CSMD3: variants seen among roughly 807,000 people sequenced by gnomAD.
CSMD3 encodes the protein CUB and sushi domain-containing protein 3.
Under a neutral mutation model 435.2 loss-of-function variants are expected in CSMD3, and 177 were observed. The ratio of observed to expected loss-of-function variants is 0.41; its 90% confidence interval spans 0.36 to 0.46. CSMD3 has a LOEUF of 0.46. CSMD3 is among the 20% of genes least tolerant of loss of function. CSMD3 has a pLI of 0.34. For synonymous variants in CSMD3, 1,656 were observed against 1,520.5 expected, an observed-to-expected ratio of 1.09 and a Z score of -2.07; for missense variants, 4,265 against 4,504.6, an observed-to-expected ratio of 0.95 and a Z score of 1.52.
At chr8:112,377,278 A>C (rs1185346390) in intron 38 of CSMD3, among the ~76,000 whole-genome samples, 1 of 152,120 alleles carries the variant, frequency 6.6e-6, no homozygotes, top group African/African-American at 2.4e-5. Context: ...CTAGAAATAT[A>C]AAAGTTACCA....
chr8:112,372,315 T>C (rs772281274), intron 38 of CSMD3, among the ~76,000 whole-genome samples: 2 of 152,050 alleles, frequency 1.3e-5, no homozygotes, highest in Non-Finnish European at 2.9e-5. Context: ...AAGAAATCAG[T>C]GTTGGAATAA....
intron 3 of CSMD3, among the ~76,000 whole-genome samples, chr8:113,263,154 T>C (rs2009533565): frequency 6.6e-6 from 1 of 151,992 alleles, no homozygotes; most frequent in African/African-American, 2.4e-5. Flanking sequence ...AGAGATCTCT[T>C]TGTAACACGT....
intron 1 of CSMD3, among the ~76,000 whole-genome samples, chr8:113,325,180 G>A (rs2093975476): frequency 1.3e-5 from 2 of 152,184 alleles, no homozygotes; most frequent in African/African-American, 4.8e-5. Flanking sequence ...TAAGACTTTG[G>A]GAGACTGCTG....
At chr8:113,263,079 T>C (rs1187077780) in intron 3 of CSMD3, among the ~76,000 whole-genome samples, 1 of 152,048 alleles carries the variant, frequency 6.6e-6, no homozygotes, top group East Asian at 1.9e-4. Context: ...CACAATATAA[T>C]ACTGCATAAA....
intron 22 of CSMD3, among the ~76,000 whole-genome samples, chr8:112,627,062 C>T (rs1397465242): frequency 6.6e-6 from 1 of 152,028 alleles, no homozygotes; most frequent in East Asian, 1.9e-4. Context: ...TATTCCTTAT[C>T]TGGCATTAAT....
chr8:113,072,875 C>T (rs117291008), intron 5 of CSMD3, among the ~76,000 whole-genome samples: 4,755 of 151,670 alleles, frequency 0.031, 98 homozygotes, highest in Non-Finnish European at 0.052. Flanking sequence ...TATCATCACC[C>T]ACGAACACTA....
At chr8:112,499,883 G>A (rs1366457019) in intron 30 of CSMD3, among the ~76,000 whole-genome samples, 1 of 151,870 alleles carries the variant, frequency 6.6e-6, no homozygotes, top group Non-Finnish European at 1.5e-5. Flanking sequence ...CTTGAGGAGG[G>A]CCGGATCATG....
At chr8:113,401,337 G>T (rs904780067) in intron 1 of CSMD3, among the ~76,000 whole-genome samples, 2 of 151,636 alleles carry the variant, frequency 1.3e-5, no homozygotes, top group Admixed American at 6.6e-5. Flanking sequence ...ATAAAAATAA[G>T]TTTATTCCAA....
At chr8:112,995,542 G>C (rs1444986030) in intron 6 of CSMD3, among the ~76,000 whole-genome samples, 1 of 151,212 alleles carries the variant, frequency 6.6e-6, no homozygotes, top group Non-Finnish European at 1.5e-5. Flanking sequence ...GAGGTATGAT[G>C]AATATTTAAT....
At chr8:112,690,161 A>C (rs2076099457) in intron 13 of CSMD3, 111 bp from the exon 14 acceptor site, 5 of 805,628 alleles carry the variant, frequency 6.2e-6, no homozygotes, top group Non-Finnish European at 1.0e-5. Flanking sequence ...TCAGAACAAA[A>C]AATAAATATA....
intron 22 of CSMD3, among the ~76,000 whole-genome samples, chr8:112,625,363 C>A (rs1029999083): frequency 2.6e-5 from 4 of 151,960 alleles, no homozygotes; most frequent in Non-Finnish European, 4.4e-5. Context: ...AAAAACAAAG[C>A]AATGTCTGGA....
At chr8:112,546,879 G>A (rs924111600) in intron 27 of CSMD3, among the ~76,000 whole-genome samples, 3 of 152,128 alleles carry the variant, frequency 2.0e-5, no homozygotes, top group Admixed American at 2.0e-4. Context: ...TGCCGACAGT[G>A]GCTTGATGAT....
intron 10 of CSMD3, among the ~76,000 whole-genome samples, chr8:112,915,905 A>G (rs2082558579): frequency 6.6e-6 from 1 of 151,850 alleles, no homozygotes; most frequent in African/African-American, 2.4e-5. Context: ...AGAATATTGA[A>G]CTAAAAATAT....
intron 1 of CSMD3, among the ~76,000 whole-genome samples, chr8:113,355,291 T>C (rs1037575533): frequency 6.6e-6 from 1 of 152,172 alleles, no homozygotes; most frequent in Non-Finnish European, 1.5e-5. Flanking sequence ...CATATATATA[T>C]ATACACTTTG....
chr8:112,476,617 T>G (rs1301743371), intron 31 of CSMD3, among the ~76,000 whole-genome samples: 1 of 152,176 alleles, frequency 6.6e-6, no homozygotes, highest in Non-Finnish European at 1.5e-5. Flanking sequence ...AATTTTAATG[T>G]TTATGTAATT....
chr8:113,019,771 T>C (rs2086617312), intron 5 of CSMD3, among the ~76,000 whole-genome samples: 1 of 152,062 alleles, frequency 6.6e-6, no homozygotes, highest in Non-Finnish European at 1.5e-5. Flanking sequence ...TCAGTATTTC[T>C]CACTGGATGG....
intron 7 of CSMD3, among the ~76,000 whole-genome samples, chr8:112,975,546 G>T (rs1467588268): frequency 9.2e-5 from 14 of 151,974 alleles, no homozygotes; most frequent in Non-Finnish European, 2.9e-5. Context: ...TAAATAATAA[G>T]TATTTGGTAC....
intron 13 of CSMD3, among the ~76,000 whole-genome samples, chr8:112,733,405 G>A (rs780085980): frequency 1.1e-4 from 16 of 150,878 alleles, no homozygotes; most frequent in Non-Finnish European, 1.8e-4. Flanking sequence ...TTAACATTAA[G>A]TAAAGTCTTT....
At chr8:113,306,615 T>A (rs535379425) in intron 2 of CSMD3, among the ~76,000 whole-genome samples, 1 of 152,196 alleles carries the variant, frequency 6.6e-6, no homozygotes, top group South Asian at 2.1e-4. Flanking sequence ...GAGGAAAGAT[T>A]TTAATTGTGA....
Sources: allele counts gnomAD v4.1 joint callset (sites outside exome capture counted in the v4.1 genomes callset), GRCh38; gene constraint gnomAD v4.1.1; transcripts MANE v1.5; gene names NCBI Gene and HGNC (gene_info 2026-07-23, HGNC 2026-07-21).